PDE11A: variants seen among roughly 807,000 people sequenced by gnomAD.
PDE11A encodes dual 3',5'-cyclic-AMP and -GMP phosphodiesterase 11A.
In PDE11A, 100 loss-of-function variants were observed where a neutral mutation model predicts 100.5. The observed-to-expected ratio is 1.00, with a 90% CI of 0.85 to 1.18. The LOEUF is 1.18. Ranked by LOEUF, PDE11A falls within the 50% of genes most tolerant of loss-of-function variation. The pLI, the probability that PDE11A is intolerant of heterozygous loss-of-function variation, is 0.00. For synonymous variants in PDE11A, 381 were observed against 420.8 expected (o/e 0.91, Z 1.16); for missense variants, 1,141 against 1,152.6 (o/e 0.99, Z 0.15).
chr2:177,814,801 T>C (rs1361759738), intron 9 of PDE11A, among the ~76,000 whole-genome samples: 1 of 152,170 alleles, frequency 6.6e-6, no homozygotes, highest in Non-Finnish European at 1.5e-5. Context: ...TTCTAGGGTA[T>C]ATGAGCATTT....
intron 5 of PDE11A, among the ~76,000 whole-genome samples, chr2:177,861,070 G>T (rs983992385): frequency 6.6e-6 from 1 of 151,706 alleles, no homozygotes; most frequent in African/African-American, 2.4e-5. Context: ...ATTTAACAAT[G>T]TACTGGAGGT....
chr2:178,104,540 A>G, intron 1 of PDE11A: 1 of 1,375,236 alleles, frequency 7.3e-7, no homozygotes, highest in South Asian at 1.2e-5. Context: ...AAAGCCGGGG[A>G]GAAAAAAGAA....
At chr2:177,748,965 G>C (rs532927729) in intron 10 of PDE11A, among the ~76,000 whole-genome samples, 1 of 152,150 alleles carries the variant, frequency 6.6e-6, no homozygotes, top group African/African-American at 2.4e-5. Flanking sequence ...ACTGTTTTCT[G>C]GGGAATAAAA....
At chr2:177,997,887 T>C in intron 2 of PDE11A, 2 of 1,375,388 alleles carry the variant, frequency 1.5e-6, no homozygotes, top group Non-Finnish European at 2.1e-6. Context: ...CACCACAAAA[T>C]GAACTCATCT....
intron 9 of PDE11A, among the ~76,000 whole-genome samples, chr2:177,800,732 G>A (rs546675791): frequency 1.3e-5 from 2 of 152,208 alleles, no homozygotes; most frequent in African/African-American, 4.8e-5. Flanking sequence ...AGACCTGATG[G>A]GGGGAAGAAT....
intron 13 of PDE11A, among the ~76,000 whole-genome samples, chr2:177,703,933 C>T (rs1408124025): frequency 1.3e-5 from 2 of 152,356 alleles, no homozygotes; most frequent in Non-Finnish European, 2.9e-5. Context: ...AAGGCAGCCA[C>T]TGTCTATGGT....
chr2:178,025,639 G>GA (rs1217632897), intron 1 of PDE11A, among the ~76,000 whole-genome samples: 1 of 152,126 alleles, frequency 6.6e-6, no homozygotes, highest in African/African-American at 2.4e-5. Context: ...TAGTAAAAAA[G>GA]AAAATGATGA....
chr2:177,726,289 C>A (rs2081598587), intron 12 of PDE11A, among the ~76,000 whole-genome samples: 1 of 152,032 alleles, frequency 6.6e-6, no homozygotes, highest in African/African-American at 2.4e-5. Context: ...GACATTCTGG[C>A]CCCATCTTAT....
At chr2:178,031,800 G>A (rs1220754359) in intron 1 of PDE11A, among the ~76,000 whole-genome samples, 3 of 152,072 alleles carry the variant, frequency 2.0e-5, no homozygotes, top group Non-Finnish European at 4.4e-5. Flanking sequence ...GTGTGTGTAT[G>A]TGTGAAACTC....
chr2:177,810,480 G>A (rs1462915683), intron 9 of PDE11A, among the ~76,000 whole-genome samples: 1 of 152,154 alleles, frequency 6.6e-6, no homozygotes, highest in Non-Finnish European at 1.5e-5. Flanking sequence ...TTTACATTGT[G>A]CTTTGAATGA....
intron 10 of PDE11A, among the ~76,000 whole-genome samples, chr2:177,739,414 TA>T (rs2081840442): frequency 1.3e-5 from 2 of 152,162 alleles, no homozygotes; most frequent in Admixed American, 6.5e-5. Context: ...TTCATGTTAC[TA>T]ACTGGATCCC....
At chr2:177,726,084 A>AT (rs56661172) in intron 12 of PDE11A, among the ~76,000 whole-genome samples, 19,919 of 151,116 alleles carry the variant, frequency 0.13, 1,351 homozygotes, top group Non-Finnish European at 0.15. Context: ...CAAAATGAAG[A>AT]TTTTTTTTTT....
intron 2 of PDE11A, among the ~76,000 whole-genome samples, chr2:177,990,197 T>C (rs1358904305): frequency 6.6e-6 from 1 of 152,218 alleles, no homozygotes; most frequent in Non-Finnish European, 1.5e-5. Context: ...TTAGTAACCA[T>C]GTACTCTTTT....
At chr2:177,693,193 C>G (rs369713405) in intron 15 of PDE11A, among the ~76,000 whole-genome samples, 1 of 152,162 alleles carries the variant, frequency 6.6e-6, no homozygotes, top group Non-Finnish European at 1.5e-5. Flanking sequence ...AGTGCCTCAG[C>G]GGTCCTGCGG....
chr2:178,022,824 G>T (rs1020066790), intron 1 of PDE11A, among the ~76,000 whole-genome samples: 2 of 152,104 alleles, frequency 1.3e-5, no homozygotes, highest in Non-Finnish European at 2.9e-5. Flanking sequence ...AATAAATTAA[G>T]GTAAAGTAAA....
At chr2:177,637,997 A>ATATATATATATATATATTTT (rs1433320166) in intron 19 of PDE11A, among the ~76,000 whole-genome samples, 2 of 106,536 alleles carry the variant, frequency 1.9e-5, no homozygotes, top group African/African-American at 8.1e-5. Context: ...ATATATATAT[A>ATATATATATATATATATTTT]TTTTTTTTTT....
intron 9 of PDE11A, among the ~76,000 whole-genome samples, chr2:177,774,912 T>C (rs1223376325): frequency 6.6e-6 from 1 of 152,234 alleles, no homozygotes; most frequent in Admixed American, 6.5e-5. Context: ...GCTAATCTTG[T>C]CACCTTGAGA....
chr2:177,852,785 T>C (rs2083737465), intron 5 of PDE11A, among the ~76,000 whole-genome samples: 1 of 152,170 alleles, frequency 6.6e-6, no homozygotes, highest in African/African-American at 2.4e-5. Flanking sequence ...TACCCTGTGG[T>C]AGGAAAAGAA....
At chr2:177,690,410 C>T (rs553872590) in intron 15 of PDE11A, among the ~76,000 whole-genome samples, 13 of 152,184 alleles carry the variant, frequency 8.5e-5, no homozygotes, top group Non-Finnish European at 1.9e-4. Flanking sequence ...GTTGAGGACA[C>T]TGAACATAGC....
Sources: gnomAD v4.1 joint callset for allele counts (sites outside exome capture counted in the v4.1 genomes callset) on GRCh38, gnomAD v4.1.1 for gene constraint, MANE v1.5 for transcripts, NCBI Gene and HGNC (gene_info 2026-07-23, HGNC 2026-07-21) for gene names.